The following SVOPL variants were observed in gnomAD, a reference collection of about 807,000 sequenced individuals.
The protein encoded by SVOPL is SVOP like, also known as putative transporter SVOPL.
In SVOPL, 60 loss-of-function variants were observed where a neutral mutation model predicts 61.0. The ratio of observed to expected loss-of-function variants is 0.98; its 90% CI spans 0.80 to 1.22. The LOEUF is 1.22. Ranked by LOEUF, SVOPL falls within the 50% of genes most tolerant of loss-of-function variation. The probability of loss-of-function intolerance (pLI) is 0.00; values close to 1 mark genes in which losing one functional copy is unlikely to be tolerated. For missense variants in SVOPL, 662 were observed against 643.9 expected (o/e 1.03, Z -0.30); for synonymous variants, 279 against 250.0 (o/e 1.12, Z -1.09).
rs1177461562 is a variant in SVOPL, at chr7:138,626,165, C to T, written c.1182-115G>A. 2.0e-5 allele frequency: 20 copies of T among 1,002,358 alleles called. No individual in the cohort carries two copies. In the East Asian group the frequency reaches 5.2e-4, roughly 26 times the overall value. 62.1% of individuals were successfully genotyped at this position (1,002,358 alleles called of 1,614,324 possible). ...GATACAATCACAGATAACTCAGAAC[C>T]CGAGGGAGGTGCTGCTTCTCAGCTG... On this transcript the variant is annotated intron_variant, in intron 12 of 15. Transcript: ENST00000674285.
chr7:138,694,610 A>T (rs1268386454), intron 1 of SVOPL, among the ~76,000 whole-genome samples: 1 of 152,204 alleles, frequency 6.6e-6, no homozygotes, highest in Admixed American at 6.5e-5. Context: ...CCAGTAGAGA[A>T]GTGGCTAAAC....
intron 14 of SVOPL, among the ~76,000 whole-genome samples, chr7:138,606,425 T>C (rs985237216): frequency 6.6e-6 from 1 of 152,162 alleles, no homozygotes; most frequent in Non-Finnish European, 1.5e-5. Flanking sequence ...ACTTCCCTTA[T>C]CTGCGTAGTT....
At chr7:138,692,076 C>T (rs1435676124) in intron 1 of SVOPL, among the ~76,000 whole-genome samples, 4 of 151,666 alleles carry the variant, frequency 2.6e-5, no homozygotes, top group Admixed American at 6.6e-5. Context: ...TTTGGGAGGC[C>T]GAGGCGGGTG....
At chr7:138,671,465 A>G (rs1182241228) in intron 4 of SVOPL, among the ~76,000 whole-genome samples, 1 of 152,200 alleles carries the variant, frequency 6.6e-6, no homozygotes, top group Non-Finnish European at 1.5e-5. Flanking sequence ...CTCCTGTCTC[A>G]GCCTCCCAAG....
rs1563101650 is a variant in SVOPL at position 138,628,300 on chromosome 7, G to C, written c.927C>G (p.Asp309Glu). The C allele has an allele frequency of 6.2e-7, 1 of 1,614,164 alleles. No homozygotes were observed. Residue 309 changes from aspartate (D) to glutamate (E), a missense_variant, in exon 11 of 16, where the codon GAC (aspartate) becomes GAG (glutamate). Physicochemically the swap from Asp to Glu is conservative, Grantham distance 45. Transcript: ENST00000674285. ...AGTCTGACTTTGAACCACAGACCAA[G>C]TCCCGCTCCAGCAGCTCAGCACTGG... The part of the protein sequence containing the change: ...ILASAELLER[D>E]LVCGSKSDSA...
intron 14 of SVOPL, among the ~76,000 whole-genome samples, chr7:138,605,713 A>C (rs1798728591): frequency 6.6e-6 from 1 of 152,054 alleles, no homozygotes; most frequent in Admixed American, 6.6e-5. Context: ...AACCACAAAC[A>C]GTCCCAGTCA....
At chr7:138,665,249 T>C (rs1485124936) in intron 4 of SVOPL, among the ~76,000 whole-genome samples, 1 of 148,638 alleles carries the variant, frequency 6.7e-6, no homozygotes, top group Non-Finnish European at 1.5e-5. Context: ...ACAAGGGCCA[T>C]CATAGCCCCA....
chr7:138,618,658 G>A (rs1056967548), intron 14 of SVOPL, among the ~76,000 whole-genome samples: 2 of 151,790 alleles, frequency 1.3e-5, no homozygotes, highest in Non-Finnish European at 2.9e-5. Flanking sequence ...GAGACAGAGA[G>A]AGAGAGAGCA....
rs201378391 is a variant in SVOPL, at chr7:138,663,164, T to A, written c.274-19A>T. 3.1e-6 allele frequency: 5 copies of A among 1,610,798 alleles called. No homozygotes were observed. The highest frequency in any genetic ancestry group is 1.3e-5 in the African/African-American group (1 of 74,904). ...ACACCATCTGCAAGTGGGAGCGAGA[T>A]AAAACGGTTCTCTAAGCAGGTTTTA... On this transcript the variant is annotated intron_variant, in intron 4 of 15. Coordinates refer to ENST00000674285, the MANE Select transcript of SVOPL (RefSeq NM_001139456.2).
At chr7:138,659,447 G>T (rs1801902269) in intron 6 of SVOPL, among the ~76,000 whole-genome samples, 1 of 150,724 alleles carries the variant, frequency 6.6e-6, no homozygotes, top group African/African-American at 2.4e-5. Context: ...AACTGAGATT[G>T]TGCCATTGCA....
chr7:138,660,387 C>T (rs1291655256), intron 5 of SVOPL: 3 of 989,716 alleles, frequency 3.0e-6, no homozygotes, highest in Non-Finnish European at 3.6e-6. Context: ...AGGATAAATT[C>T]ATAGTAAACA....
chr7:138,611,914 A>C (rs1304363310), intron 14 of SVOPL, among the ~76,000 whole-genome samples: 1 of 23,606 alleles, frequency 4.2e-5, no homozygotes, highest in Non-Finnish European at 8.5e-5. Context: ...GCTCATTGAG[A>C]ACGGGCCAGG....
chr7:138,687,540 AT>A (rs978287402), intron 1 of SVOPL, among the ~76,000 whole-genome samples: 153 of 150,582 alleles, frequency 1.0e-3, no homozygotes, highest in African/African-American at 2.0e-3. Context: ...CTTGCCCTAC[AT>A]TTTTTTTATT....
chr7:138,598,342 A>G (rs1215907266), intron 14 of SVOPL, among the ~76,000 whole-genome samples: 1 of 152,178 alleles, frequency 6.6e-6, no homozygotes, highest in Non-Finnish European at 1.5e-5. Context: ...ATTTAGCAAA[A>G]CTGTTAGAAA....
At chr7:138,647,033 A>G (rs566550744) in intron 8 of SVOPL, among the ~76,000 whole-genome samples, 76 of 152,340 alleles carry the variant, frequency 5.0e-4, no homozygotes, top group South Asian at 1.0e-3. Flanking sequence ...GAAGGTAATG[A>G]CATTGCTTAG....
chr7:138,671,340 C>T (rs1802411136), intron 4 of SVOPL, among the ~76,000 whole-genome samples: 1 of 152,150 alleles, frequency 6.6e-6, no homozygotes, highest in African/African-American at 2.4e-5. Context: ...TGATGTGCAA[C>T]TCATAAGGCT....
At chr7:138,626,291 A>G (rs890831623) in intron 12 of SVOPL, among the ~76,000 whole-genome samples, 1 of 152,174 alleles carries the variant, frequency 6.6e-6, no homozygotes, top group Admixed American at 6.5e-5. Context: ...TCACATTAGC[A>G]TAACTGCTGG....
chr7:138,621,313 A>G (rs1426731336), intron 13 of SVOPL, among the ~76,000 whole-genome samples, 178 bp from the exon 14 acceptor site: 2 of 152,224 alleles, frequency 1.3e-5, no homozygotes, highest in Non-Finnish European at 2.9e-5. Flanking sequence ...TTTTGGGACA[A>G]TATCAGCGAA....
intron 3 of SVOPL, among the ~76,000 whole-genome samples, chr7:138,677,792 T>G (rs1802604973): frequency 6.8e-6 from 1 of 147,912 alleles, no homozygotes; most frequent in South Asian, 2.2e-4. Context: ...AGACGCAGTC[T>G]CGCTCTGTCA....
Sources: allele counts gnomAD v4.1 joint callset (sites outside exome capture counted in the v4.1 genomes callset), GRCh38; gene constraint gnomAD v4.1.1; transcripts MANE v1.5; gene names NCBI Gene and HGNC (gene_info 2026-07-23, HGNC 2026-07-21).